The following CDH10 variants were observed in gnomAD, a reference collection of about 807,000 sequenced individuals.
CDH10 encodes cadherin 10.
A neutral mutation model predicts 73.1 loss-of-function variants in CDH10; 30 were observed. The observed-to-expected ratio is 0.41, with a 90% confidence interval of 0.31 to 0.56. The LOEUF is 0.56. CDH10 is among the 20% of genes least tolerant of loss of function. The pLI, the probability that CDH10 is intolerant of heterozygous loss-of-function variation, is 0.27. For missense variants in CDH10, 815 were observed against 973.7 expected (o/e 0.84, Z 2.17); for synonymous variants, 345 against 348.2 (o/e 0.99, Z 0.10).
At chr5:24,495,578 G>A (rs974334384) in intron 9 of CDH10, among the ~76,000 whole-genome samples, 3 of 152,094 alleles carry the variant, frequency 2.0e-5, no homozygotes, top group Non-Finnish European at 4.4e-5. Context: ...GCCAGGCGCC[G>A]TGGCTCACGC....
intron 1 of CDH10, among the ~76,000 whole-genome samples, chr5:24,606,139 A>G (rs928842553): frequency 1.3e-5 from 2 of 152,200 alleles, no homozygotes; most frequent in African/African-American, 4.8e-5. Flanking sequence ...TGGTAGTTAT[A>G]AAACTGTAGG....
intron 4 of CDH10, 74 bp downstream of exon 4, chr5:24,535,629 T>G: frequency 1.1e-5 from 15 of 1,335,902 alleles, no homozygotes; most frequent in Non-Finnish European, 1.6e-5. Flanking sequence ...TTGTTCTTAT[T>G]CTCCCATGGT....
chr5:24,577,653 T>G (rs760836003), intron 2 of CDH10, among the ~76,000 whole-genome samples: 26 of 152,328 alleles, frequency 1.7e-4, no homozygotes, highest in Non-Finnish European at 3.4e-4. Flanking sequence ...ATTGATTTAA[T>G]TTATGAATTT....
chr5:24,612,708 G>A (rs1746990720), intron 1 of CDH10: 1 of 152,040 alleles, frequency 6.6e-6, no homozygotes, highest in African/African-American at 2.4e-5. Context: ...TAATTCTTAT[G>A]GCAAAAATAA....
intron 1 of CDH10, among the ~76,000 whole-genome samples, chr5:24,638,764 A>T (rs749650919): frequency 5.4e-4 from 82 of 152,002 alleles, no homozygotes; most frequent in Admixed American, 2.1e-3. Context: ...AAAAAAGAAT[A>T]GAAAATATAT....
intron 8 of CDH10, 34 bp downstream of exon 8, chr5:24,505,078 T>G (rs762177341): frequency 7.1e-7 from 1 of 1,409,338 alleles, no homozygotes; most frequent in Non-Finnish European, 1.0e-6. Flanking sequence ...TAAACATATC[T>G]AGATATATGT....
chr5:24,577,866 GTGT>G (rs1745660187), intron 2 of CDH10, among the ~76,000 whole-genome samples: 1 of 152,112 alleles, frequency 6.6e-6, no homozygotes, highest in Admixed American at 6.5e-5. Flanking sequence ...TCTTTGTTCA[GTGT>G]TGTTAAAGAG....
intron 2 of CDH10, among the ~76,000 whole-genome samples, chr5:24,541,215 A>G (rs1744142281): frequency 6.6e-6 from 1 of 152,010 alleles, no homozygotes; most frequent in Non-Finnish European, 1.5e-5. Context: ...ACAGAAACAG[A>G]CCAAAGGACA....
At chr5:24,518,498 TAC>T (rs1055682465) in intron 5 of CDH10, among the ~76,000 whole-genome samples, 9 of 152,168 alleles carry the variant, frequency 5.9e-5, no homozygotes, top group African/African-American at 1.9e-4. Flanking sequence ...AGTGTATATA[TAC>T]ATATGTGGAT....
chr5:24,618,747 C>T (rs1228636608), intron 1 of CDH10, among the ~76,000 whole-genome samples: 1 of 152,162 alleles, frequency 6.6e-6, no homozygotes, highest in African/African-American at 2.4e-5. Flanking sequence ...AATGTTTATA[C>T]ATAATCATGA....
intron 1 of CDH10, among the ~76,000 whole-genome samples, chr5:24,623,183 G>T (rs764372238): frequency 5.3e-5 from 8 of 152,198 alleles, no homozygotes; most frequent in Admixed American, 6.5e-5. Context: ...TCTGCAGCCA[G>T]TTCCAAGCCA....
At chr5:24,598,619 C>T (rs1383846588) in intron 1 of CDH10, among the ~76,000 whole-genome samples, 2 of 150,450 alleles carry the variant, frequency 1.3e-5, no homozygotes, top group Non-Finnish European at 3.0e-5. Context: ...AGACATTAAC[C>T]AAAAAGGCAA....
Position 24,487,535 on chromosome 5 carries a change from T to G in CDH10, c.*128A>C. ...GAATTAATGTAATTAATGAACAAAT[T>G]AAGAAGTAAATGAGAAAAAAAATTG... On this transcript the variant is annotated 3_prime_UTR_variant, in exon 12 of 12. Coordinates refer to ENST00000264463, the MANE Select transcript of CDH10 (RefSeq NM_006727.5). 1.3e-6 allele frequency: 1 copy of G among 793,840 alleles called. No homozygotes were observed. Among genetic ancestry groups the G allele is most frequent in the South Asian group, 1.8e-5 (1 of 56,702 alleles). The allele number at this position is 793,840 out of a possible 1,614,324, so 49.2% of individuals were successfully genotyped here.
At chr5:24,521,676 T>C (rs1743337424) in intron 5 of CDH10, among the ~76,000 whole-genome samples, 1 of 151,890 alleles carries the variant, frequency 6.6e-6, no homozygotes, top group Non-Finnish European at 1.5e-5. Flanking sequence ...AAAAAATAAC[T>C]CAGCATATTT....
Position 24,537,548 on chromosome 5 carries a change from C to A in CDH10, c.358G>T (p.Glu120Ter). 1.2e-6 allele frequency: 2 copies of A among 1,613,238 alleles called. No individual in the cohort carries two copies. The highest frequency in any genetic ancestry group is 1.7e-6 in the Non-Finnish European group (2 of 1,179,424). ...CGTAGAGTATAAAAGGCCTTTTCCT[C>A]CCTATCAATTCGCCTTGTGGCATGA... The part of the protein sequence containing the change: ...DIHATRRIDR[E>*]EKAFYTLRAQ... The change falls in exon 3 of 12, where the codon GAG (glutamate) becomes TAG (stop). Residue 120 changes from glutamate to a stop codon, truncating the protein, a stop_gained. Transcript: ENST00000264463. LOFTEE classifies it high-confidence loss of function.
chr5:24,518,823 T>G (rs548639947), intron 5 of CDH10, among the ~76,000 whole-genome samples: 45 of 151,668 alleles, frequency 3.0e-4, no homozygotes, highest in Middle Eastern at 3.4e-3. Flanking sequence ...AGGATTACAG[T>G]GAGATGGTAA....
chr5:24,607,635 G>A (rs1355201824), intron 1 of CDH10, among the ~76,000 whole-genome samples: 1 of 152,118 alleles, frequency 6.6e-6, no homozygotes, highest in African/African-American at 2.4e-5. Flanking sequence ...TTATTGTCTA[G>A]GGATGTCCGT....
At chr5:24,625,489 T>C (rs777571096) in intron 1 of CDH10, among the ~76,000 whole-genome samples, 2 of 150,626 alleles carry the variant, frequency 1.3e-5, no homozygotes, top group Admixed American at 6.6e-5. Context: ...CAAGTGTGTG[T>C]ATTACGTCTT....
chr5:24,535,673 A>C, intron 4 of CDH10, 30 bp downstream of exon 4: 2 of 1,591,940 alleles, frequency 1.3e-6, no homozygotes, highest in East Asian at 2.2e-5. Flanking sequence ...AGATGATCAA[A>C]TGAACAAACA....
Sources: gnomAD v4.1 joint callset for allele counts (sites outside exome capture counted in the v4.1 genomes callset) on GRCh38, gnomAD v4.1.1 for gene constraint, MANE v1.5 for transcripts, NCBI Gene and HGNC (gene_info 2026-07-23, HGNC 2026-07-21) for gene names.